ZBTB20: variants seen among roughly 807,000 people sequenced by gnomAD.
ZBTB20 encodes zinc finger and BTB domain-containing protein 20.
Under a neutral mutation model 56.9 loss-of-function variants are expected in ZBTB20, and 9 were observed. That is an observed-to-expected ratio of 0.16 (90% CI 0.10 to 0.28). The LOEUF (loss-of-function observed/expected upper bound fraction) is 0.28. Ranked by LOEUF, ZBTB20 falls within the 10% of genes least tolerant of loss-of-function variation. ZBTB20 has a pLI of 1.00. For synonymous variants in ZBTB20, 417 were observed against 420.7 expected (o/e 0.99, Z 0.11); for missense variants, 655 against 1,003.0 (o/e 0.65, Z 4.69).
rs2079024357 is a variant in ZBTB20 at position 114,325,218 on chromosome 3, T to C, written c.*13787A>G. ...AAACTGAGGTTCAAATCAACGGGCC[T>C]AAAGAAGAAGTTTAGCAGCTGAAAA... On this transcript the variant is annotated 3_prime_UTR_variant, in exon 12 of 12. Coordinates refer to ENST00000675478, the MANE Select transcript of ZBTB20 (RefSeq NM_001348800.3). 1 of 152,134 alleles carries C rather than the reference T, an allele frequency of 6.6e-6. No homozygotes were observed. The highest frequency in any genetic ancestry group is 2.4e-5 in the African/African-American group (1 of 41,440). The allele number at this position is 152,134 out of a possible 1,614,324, so 9.4% of individuals were successfully genotyped here.
intron 5 of ZBTB20, among the ~76,000 whole-genome samples, chr3:114,716,195 A>G (rs1194722637): frequency 1.3e-5 from 2 of 152,196 alleles, no homozygotes; most frequent in African/African-American, 4.8e-5. Context: ...TGAAGGTAAT[A>G]ACATTTTGCA....
intron 4 of ZBTB20, among the ~76,000 whole-genome samples, chr3:114,839,452 AAAG>A (rs1335918577): frequency 2.6e-5 from 4 of 151,546 alleles, no homozygotes; most frequent in African/African-American, 7.3e-5. Flanking sequence ...AGAAAGAAAG[AAAG>A]AAAGAAAGAA....
chr3:114,350,916 C>G lies in ZBTB20; in HGVS notation c.1162G>C (p.Asp388His). Residue 388 changes from aspartate to histidine, a missense_variant, in exon 11 of 12, where the codon GAC (aspartate) becomes CAC (histidine). By Grantham distance (81) the Asp-to-His change is moderately conservative. Coordinates refer to ENST00000675478, the MANE Select transcript of ZBTB20 (RefSeq NM_001348800.3). ...GVSSSIGTEP[D>H]SVEQQFGPGA... ...GGCCCAAACTGCTGCTCCACCGAGT[C>G]AGGCTCGGTGCCTATGGAGGAGCTG... The G allele has an allele frequency of 6.2e-7, 1 of 1,606,204 alleles. No homozygotes were observed.
intron 4 of ZBTB20, among the ~76,000 whole-genome samples, chr3:114,841,908 G>A (rs1318409037): frequency 6.6e-6 from 1 of 152,152 alleles, no homozygotes; most frequent in Non-Finnish European, 1.5e-5. Context: ...GCCTAAGAGA[G>A]AGTTCAGAGA....
chr3:114,902,460 G>C (rs758276858), intron 3 of ZBTB20, among the ~76,000 whole-genome samples: 3 of 152,060 alleles, frequency 2.0e-5, no homozygotes, highest in Non-Finnish European at 2.9e-5. Flanking sequence ...ACACAATACA[G>C]TTCAAAGCAT....
At position 114,600,697 on chromosome 3, in the gene ZBTB20, G is replaced by C. The variant is rs144532833; in HGVS notation, c.-295+92831C>G. Among the ~76,000 whole-genome samples, 36 of 151,882 alleles carry C rather than the reference G, an allele frequency of 2.4e-4. No homozygotes were observed. In the East Asian group the frequency reaches 7.0e-3, roughly 29 times the overall value. On this transcript the variant is annotated intron_variant, in intron 6 of 11. Transcript: ENST00000675478. Reference sequence around the variant, plus strand: ...TAGAAAATATGTATTCTACTTTCTTGGAAACCCTACACTCACTAGTGAGGC... The same window carrying C: ...TAGAAAATATGTATTCTACTTTCTTCGAAACCCTACACTCACTAGTGAGGC...
rs571337469 is a variant in ZBTB20 at position 114,389,627 on chromosome 3, C to T, written c.-254-522G>A. On this transcript the variant is annotated intron_variant, in intron 7 of 11. Transcript: ENST00000675478. ...ATTACCGGCTGGGTGTGCTGGCTCACACCTGTAATCCCAGCACTTTGGGAG... is the reference window on the plus strand; with the variant it reads ...ATTACCGGCTGGGTGTGCTGGCTCATACCTGTAATCCCAGCACTTTGGGAG... Among the ~76,000 whole-genome samples the T allele has an allele frequency of 1.8e-4, 28 of 152,094 alleles. No individual in the cohort carries two copies. In the East Asian group the frequency reaches 5.4e-3, roughly 29 times the overall value.
chr3:114,488,119 T>G (rs2042338660), intron 7 of ZBTB20, among the ~76,000 whole-genome samples: 1 of 152,212 alleles, frequency 6.6e-6, no homozygotes, highest in Admixed American at 6.5e-5. Flanking sequence ...AGGTGAATAC[T>G]TACCACCTCC....
At chr3:115,066,992 T>C (rs1040463225) in intron 2 of ZBTB20, among the ~76,000 whole-genome samples, 1 of 152,122 alleles carries the variant, frequency 6.6e-6, no homozygotes, top group Non-Finnish European at 1.5e-5. Context: ...TGTTTAAATA[T>C]GTTGGTAGTA....
chr3:114,421,449 C>T (rs1366810145), intron 7 of ZBTB20, among the ~76,000 whole-genome samples: 1 of 152,174 alleles, frequency 6.6e-6, no homozygotes, highest in African/African-American at 2.4e-5. Context: ...GAGCTGTAAA[C>T]AGCTTCACTG....
chr3:114,610,452 C>T (rs1347751620), intron 6 of ZBTB20, among the ~76,000 whole-genome samples: 1 of 152,194 alleles, frequency 6.6e-6, no homozygotes. Flanking sequence ...AACACCCTTT[C>T]TCTAAATGGT....
chr3:114,986,630 C>T (rs1319086036), intron 2 of ZBTB20, among the ~76,000 whole-genome samples: 4 of 152,030 alleles, frequency 2.6e-5, no homozygotes, highest in African/African-American at 9.7e-5. Flanking sequence ...TTAGGTCTTC[C>T]AAATTTCCCA....
chr3:114,926,418 G>A (rs189040135), intron 3 of ZBTB20, among the ~76,000 whole-genome samples: 2 of 152,178 alleles, frequency 1.3e-5, no homozygotes, highest in Non-Finnish European at 2.9e-5. Flanking sequence ...CTATCTGCAG[G>A]CTGGTTGTTT....
chr3:115,138,880 C>T (rs2107339456), intron 1 of ZBTB20, among the ~76,000 whole-genome samples: 1 of 152,054 alleles, frequency 6.6e-6, no homozygotes, highest in East Asian at 1.9e-4. Flanking sequence ...TTTTGCTAGT[C>T]TTTTTGGTAC....
At position 114,350,743 on chromosome 3, in the gene ZBTB20, A is replaced by G. The variant is rs2080592937; in HGVS notation, c.1335T>C (p.Val445=). The G allele has an allele frequency of 6.2e-7, 1 of 1,614,012 alleles. No individual in the cohort carries two copies. Among genetic ancestry groups the G allele is most frequent in the Non-Finnish European group, 8.5e-7 (1 of 1,180,012 alleles). ...RSNEVEMDST[V]ITVSNSSDKS... ...TGTCGGAGCTGTTGCTGACAGTGATAACAGTGCTGTCCATCTCCACTTCAT... is the reference window on the plus strand; with the variant it reads ...TGTCGGAGCTGTTGCTGACAGTGATGACAGTGCTGTCCATCTCCACTTCAT... The change falls in exon 11 of 12, where the codon GTT becomes GTC. Residue 445 remains valine (V), a synonymous_variant. Transcript: ENST00000675478.
intron 1 of ZBTB20, among the ~76,000 whole-genome samples, chr3:115,085,706 C>T (rs1331666601): frequency 6.6e-6 from 1 of 151,914 alleles, no homozygotes; most frequent in African/African-American, 2.4e-5. Context: ...TAATATGCCA[C>T]ATTTGCCTCA....
intron 7 of ZBTB20, among the ~76,000 whole-genome samples, chr3:114,427,757 G>A (rs568282650): frequency 1.1e-4 from 16 of 152,312 alleles, no homozygotes; most frequent in African/African-American, 3.4e-4. Context: ...AAAATGTATC[G>A]TGTAATAAGA....
In ZBTB20 at chr3:114,320,480, C is replaced by T. The variant is rs2078855379; in HGVS notation, c.*18525G>A. Reference sequence around the variant, plus strand: ...AAATAGACAAACAAGAATTATAGAACATAAGTATGAAGGAGCCAAGATTAC... The same window carrying T: ...AAATAGACAAACAAGAATTATAGAATATAAGTATGAAGGAGCCAAGATTAC... On this transcript the variant is annotated 3_prime_UTR_variant, in exon 12 of 12. Coordinates refer to ENST00000675478, the MANE Select transcript of ZBTB20 (RefSeq NM_001348800.3). 6.6e-6 allele frequency: 1 copy of T among 152,098 alleles called. No homozygotes were observed. The highest frequency in any genetic ancestry group is 1.5e-5 in the Non-Finnish European group (1 of 68,010). 9.4% of individuals were successfully genotyped at this position (152,098 alleles called of 1,614,324 possible). A position where few individuals can be genotyped will look rare whatever the true frequency, so the allele number is the denominator to read the frequency against.
rs549875767 is a variant in ZBTB20 at position 114,817,348 on chromosome 3, G to A, written c.-416-16174C>T. On this transcript the variant is annotated intron_variant, in intron 4 of 11. Transcript: ENST00000675478. ...AGCCTGACCAACATGGAGAAACCCC[G>A]TCTCTACTAAAAATACAAAATTAGC... 1.8e-4 allele frequency among the ~76,000 whole-genome samples: 27 copies of A among 151,762 alleles called. No individual in the cohort carries two copies. The South Asian group carries it at 4.8e-3, about 27-fold the overall frequency.
Sources: gnomAD v4.1 joint callset for allele counts (sites outside exome capture counted in the v4.1 genomes callset) on GRCh38, gnomAD v4.1.1 for gene constraint, MANE v1.5 for transcripts, NCBI Gene and HGNC (gene_info 2026-07-23, HGNC 2026-07-21) for gene names.